RAP1GDS1: variants seen among roughly 807,000 people sequenced by gnomAD.
RAP1GDS1 encodes RAP1, GTP-GDP dissociation stimulator 1.
In RAP1GDS1, 35 loss-of-function variants were observed where a neutral mutation model predicts 71.1. The ratio of observed to expected loss-of-function variants is 0.49; its 90% CI spans 0.38 to 0.65. The LOEUF (loss-of-function observed/expected upper bound fraction) is 0.65, where lower values mean the gene tolerates loss of function less well. RAP1GDS1 is among the 30% of genes least tolerant of loss of function. The probability of loss-of-function intolerance (pLI) is 0.00; values close to 1 mark genes in which losing one functional copy is unlikely to be tolerated. For missense variants in RAP1GDS1, 663 were observed against 706.1 expected, an observed-to-expected ratio of 0.94 and a Z score of 0.69; for synonymous variants, 229 against 243.1, an observed-to-expected ratio of 0.94 and a Z score of 0.54.
intron 3 of RAP1GDS1, among the ~76,000 whole-genome samples, chr4:98,350,226 A>G (rs1736962709): frequency 6.6e-6 from 1 of 152,362 alleles, no homozygotes; most frequent in East Asian, 1.9e-4. Flanking sequence ...CTGAATAGCA[A>G]TAACAAAACA....
intron 12 of RAP1GDS1, among the ~76,000 whole-genome samples, chr4:98,431,478 A>T (rs1321783314): frequency 6.6e-6 from 1 of 152,254 alleles, no homozygotes; most frequent in East Asian, 1.9e-4. Context: ...CCTTGGTTTT[A>T]TATATACCAA....
rs189361243 is a variant in RAP1GDS1 at position 98,400,867 on chromosome 4, G to T, written c.638-3610G>T. 1.9e-4 allele frequency among the ~76,000 whole-genome samples: 29 copies of T among 151,920 alleles called. No individual in the cohort carries two copies. In the East Asian group the frequency reaches 1.9e-3, roughly 10 times the overall value. ...TAATTACACTTTTTTATTTTTTGAG[G>T]GAAAATGACTTCCAACATAGAATCC... On this transcript the variant is annotated intron_variant, in intron 6 of 14. Transcript: ENST00000408927.
intron 1 of RAP1GDS1, among the ~76,000 whole-genome samples, chr4:98,272,857 G>A (rs1355876273): frequency 6.6e-6 from 1 of 152,092 alleles, no homozygotes; most frequent in African/African-American, 2.4e-5. Flanking sequence ...ATGGTTCATT[G>A]TTGTTGCGTA....
At chr4:98,272,363 A>G (rs1197393449) in intron 1 of RAP1GDS1, among the ~76,000 whole-genome samples, 1 of 152,192 alleles carries the variant, frequency 6.6e-6, no homozygotes, top group Admixed American at 6.6e-5. Context: ...CATTTTCTGC[A>G]TCCTGCTGGT....
chr4:98,384,031 G>A (rs563517488), intron 5 of RAP1GDS1, among the ~76,000 whole-genome samples: 1 of 151,208 alleles, frequency 6.6e-6, no homozygotes, highest in African/African-American at 2.4e-5. Flanking sequence ...CTTACTCTAA[G>A]GAAAAAGAAC....
intron 1 of RAP1GDS1, among the ~76,000 whole-genome samples, chr4:98,290,850 G>A (rs191754614): frequency 1.1e-3 from 162 of 152,192 alleles, no homozygotes; most frequent in Non-Finnish European, 1.2e-3. Flanking sequence ...AGGGAGGACA[G>A]AAGGAAAGAG....
At chr4:98,291,933 T>C (rs1580065) in intron 1 of RAP1GDS1, among the ~76,000 whole-genome samples, 21,635 of 152,134 alleles carry the variant, frequency 0.14, 2,247 homozygotes, top group African/African-American at 0.29. Context: ...CCAGTTTTAG[T>C]ATATCAGTGA....
rs560897383 is a variant in RAP1GDS1, at chr4:98,347,453, A to G, written c.235+4192A>G. Among the ~76,000 whole-genome samples, 11 of 152,326 alleles carry G rather than the reference A, an allele frequency of 7.2e-5. No homozygotes were observed. The East Asian group carries it at 2.1e-3, about 29-fold the overall frequency. On this transcript the variant is annotated intron_variant, in intron 3 of 14. Transcript: ENST00000408927. Reference sequence around the variant, plus strand: ...CAACTTTTTATTTTTATTGATATTGAAATAGAGCAGTACCTATTCCTTAAA... The same window carrying G: ...CAACTTTTTATTTTTATTGATATTGGAATAGAGCAGTACCTATTCCTTAAA...
intron 4 of RAP1GDS1, among the ~76,000 whole-genome samples, chr4:98,366,850 G>A (rs575949801): frequency 6.6e-6 from 1 of 152,260 alleles, no homozygotes; most frequent in African/African-American, 2.4e-5. Context: ...GAGGTGACTT[G>A]GGTGCTGTTA....
At chr4:98,354,475 T>A (rs996376011) in intron 4 of RAP1GDS1, among the ~76,000 whole-genome samples, 2 of 152,230 alleles carry the variant, frequency 1.3e-5, no homozygotes, top group Non-Finnish European at 2.9e-5. Flanking sequence ...TTCCTATTAA[T>A]AAAATAGAAA....
Position 98,418,724 on chromosome 4 carries a change from T to C in RAP1GDS1, c.1107T>C (p.His369=). The C allele has an allele frequency of 6.2e-7, 1 of 1,612,758 alleles. No individual in the cohort carries two copies. Among genetic ancestry groups the C allele is most frequent in the African/African-American group, 1.3e-5 (1 of 74,886 alleles). Residue 369 remains histidine (H), a synonymous_variant, in exon 10 of 15, where the codon CAT becomes CAC. Transcript: ENST00000408927. ...AACTTATGGATTTACTGGACAGACA[T>C]GTAGAAGATGGAAATGTAACAGTAC... ...VEKLMDLLDR[H]VEDGNVTVQH...
intron 6 of RAP1GDS1, among the ~76,000 whole-genome samples, chr4:98,395,532 G>C (rs1005690754): frequency 2.6e-5 from 4 of 152,160 alleles, no homozygotes; most frequent in African/African-American, 9.7e-5. Flanking sequence ...AGAGTCAAAG[G>C]CAGGGAATGG....
chr4:98,261,441 G>T lies in RAP1GDS1; in HGVS notation c.-125G>T. On this transcript the variant is annotated 5_prime_UTR_variant, in exon 1 of 15. Transcript: ENST00000408927. Reference sequence around the variant, plus strand: ...CAGCACCAGCTGCTCCTCCCCGGCGGCCGCCCCCCGCGGGTCCCTCCCTGG... The same window carrying T: ...CAGCACCAGCTGCTCCTCCCCGGCGTCCGCCCCCCGCGGGTCCCTCCCTGG... 6.2e-6 allele frequency: 6 copies of T among 964,438 alleles called. No homozygotes were observed. The South Asian group carries it at 1.6e-4, about 25-fold the overall frequency. The allele number at this position is 964,438 out of a possible 1,614,324, so 59.7% of individuals were successfully genotyped here.
At chr4:98,370,637 C>T (rs925966710) in intron 4 of RAP1GDS1, among the ~76,000 whole-genome samples, 2 of 151,542 alleles carry the variant, frequency 1.3e-5, no homozygotes, top group East Asian at 3.9e-4. Context: ...GATCTCTGCT[C>T]CCAGCTCATT....
chr4:98,371,299 T>C (rs558258306), intron 4 of RAP1GDS1, among the ~76,000 whole-genome samples: 1 of 151,492 alleles, frequency 6.6e-6, no homozygotes, highest in East Asian at 2.0e-4. Flanking sequence ...GTATTTTTAG[T>C]AGAGGCAGGA....
intron 2 of RAP1GDS1, among the ~76,000 whole-genome samples, chr4:98,318,479 G>T (rs906475675): frequency 6.6e-6 from 1 of 152,106 alleles, no homozygotes; most frequent in African/African-American, 2.4e-5. Flanking sequence ...ATGTGTACTC[G>T]CTCTCCTCCC....
intron 5 of RAP1GDS1, among the ~76,000 whole-genome samples, chr4:98,389,993 G>T (rs895344842): frequency 2.0e-5 from 3 of 152,070 alleles, no homozygotes; most frequent in Admixed American, 6.6e-5. Flanking sequence ...CAATGCATGC[G>T]CTAGTGCTCA....
chr4:98,326,502 C>T (rs1205913539), intron 2 of RAP1GDS1, among the ~76,000 whole-genome samples: 1 of 152,176 alleles, frequency 6.6e-6, no homozygotes, highest in African/African-American at 2.4e-5. Flanking sequence ...ACTTTAAAAA[C>T]ATTTTGGCTT....
Position 98,437,183 on chromosome 4 carries a change from T to C in RAP1GDS1, c.1696+115T>C. On this transcript the variant is annotated intron_variant, in intron 14 of 14. Transcript: ENST00000408927. ...TTTAAAGCCGTTAGAAATTAGTTTA[T>C]GGAGGTTATAAGATAACTTTTTTCC... The C allele has an allele frequency of 1.4e-5, 16 of 1,136,748 alleles. No individual in the cohort carries two copies. In the South Asian group the frequency reaches 3.7e-4, roughly 27 times the overall value. The allele number at this position is 1,136,748 out of a possible 1,614,324, so 70.4% of individuals were successfully genotyped here.
Sources: gnomAD v4.1 joint callset for allele counts (sites outside exome capture counted in the v4.1 genomes callset) on GRCh38, gnomAD v4.1.1 for gene constraint, MANE v1.5 for transcripts, NCBI Gene and HGNC (gene_info 2026-07-23, HGNC 2026-07-21) for gene names.